CTNND2: variants seen among roughly 807,000 people sequenced by gnomAD.
CTNND2 encodes the protein catenin delta 2.
In CTNND2, 22 loss-of-function variants were observed where a neutral mutation model predicts 144.4. That is an observed-to-expected ratio of 0.15 (90% CI 0.11 to 0.22). The LOEUF is 0.22. Among genes scored for constraint, CTNND2 ranks in the 10% least tolerant of loss-of-function variants. The pLI is 1.00. For synonymous variants in CTNND2, 751 were observed against 695.6 expected (o/e 1.08, Z -1.25); for missense variants, 1,353 against 1,618.8 (o/e 0.84, Z 2.82).
At chr5:11,289,021 C>A (rs561920996) in intron 9 of CTNND2, among the ~76,000 whole-genome samples, 2 of 152,160 alleles carry the variant, frequency 1.3e-5, no homozygotes, top group South Asian at 4.2e-4. Flanking sequence ...TGGCCTTTAC[C>A]ACTGACATGA....
intron 3 of CTNND2, among the ~76,000 whole-genome samples, chr5:11,489,438 G>A (rs1194132968): frequency 6.6e-6 from 1 of 152,098 alleles, no homozygotes; most frequent in Non-Finnish European, 1.5e-5. Flanking sequence ...ATAAAAATAT[G>A]GCTGGATTCC....
intron 18 of CTNND2, among the ~76,000 whole-genome samples, chr5:11,000,828 C>T (rs548837671): frequency 2.9e-4 from 44 of 152,246 alleles, no homozygotes; most frequent in African/African-American, 1.0e-3. Flanking sequence ...TGGGCCCCAG[C>T]CCTGAGGTTC....
intron 1 of CTNND2, among the ~76,000 whole-genome samples, chr5:11,836,764 G>A (rs1403321461): frequency 2.0e-5 from 3 of 152,066 alleles, no homozygotes; most frequent in Non-Finnish European, 2.9e-5. Context: ...TAGCTTTACC[G>A]AAGGTAGGTA....
intron 9 of CTNND2, among the ~76,000 whole-genome samples, chr5:11,331,485 A>C (rs1176798403): frequency 6.6e-6 from 1 of 152,182 alleles, no homozygotes; most frequent in African/African-American, 2.4e-5. Context: ...ATTTTTAATA[A>C]AATTTTGGCA....
chr5:11,863,871 C>G (rs577134885), intron 1 of CTNND2, among the ~76,000 whole-genome samples: 10 of 152,288 alleles, frequency 6.6e-5, no homozygotes, highest in Non-Finnish European at 4.4e-5. Context: ...CTTCAACGTT[C>G]TCTACAAAAT....
At chr5:11,885,997 C>G (rs539352325) in intron 1 of CTNND2, among the ~76,000 whole-genome samples, 2 of 151,946 alleles carry the variant, frequency 1.3e-5, no homozygotes, top group East Asian at 3.9e-4. Context: ...AAACACAACA[C>G]AACATACCAA....
intron 9 of CTNND2, among the ~76,000 whole-genome samples, chr5:11,278,488 C>G (rs571366862): frequency 6.6e-6 from 1 of 152,176 alleles, no homozygotes; most frequent in East Asian, 1.9e-4. Context: ...GCTCCAGGTG[C>G]TAGAGGGGAC....
intron 2 of CTNND2, among the ~76,000 whole-genome samples, chr5:11,593,539 T>C (rs1779360830): frequency 6.6e-6 from 1 of 152,184 alleles, no homozygotes; most frequent in South Asian, 2.1e-4. Flanking sequence ...GGGAGGGACC[T>C]GGTGGGAGGT....
intron 14 of CTNND2, among the ~76,000 whole-genome samples, chr5:11,100,821 G>C (rs2093251736): frequency 6.6e-6 from 1 of 152,178 alleles, no homozygotes; most frequent in African/African-American, 2.4e-5. Context: ...GTACAGAGAA[G>C]TAATATTTGC....
chr5:11,691,504 T>C (rs1784908498), intron 2 of CTNND2, among the ~76,000 whole-genome samples: 1 of 152,040 alleles, frequency 6.6e-6, no homozygotes, highest in Admixed American at 6.5e-5. Flanking sequence ...AATATACAAG[T>C]ACTCAACCAA....
At chr5:11,042,243 G>A (rs1481307905) in intron 16 of CTNND2, among the ~76,000 whole-genome samples, 2 of 152,176 alleles carry the variant, frequency 1.3e-5, no homozygotes, top group Non-Finnish European at 2.9e-5. Context: ...TAATGTTGAT[G>A]AAAACTAGAA....
intron 11 of CTNND2, among the ~76,000 whole-genome samples, chr5:11,187,394 T>C (rs909912065): frequency 1.3e-5 from 2 of 152,152 alleles, no homozygotes; most frequent in Non-Finnish European, 2.9e-5. Context: ...GAGAACTGGC[T>C]AGACATATGC....
chr5:11,690,773 A>G (rs948002177), intron 2 of CTNND2, among the ~76,000 whole-genome samples: 3 of 143,442 alleles, frequency 2.1e-5, no homozygotes, highest in African/African-American at 8.2e-5. Context: ...AAAAAAAAAA[A>G]AGAAATCTAT....
chr5:11,436,537 C>T (rs1763791489), intron 3 of CTNND2, among the ~76,000 whole-genome samples: 1 of 152,110 alleles, frequency 6.6e-6, no homozygotes, highest in Admixed American at 6.5e-5. Context: ...CTACTTTTTT[C>T]TTTATCGAGA....
At chr5:11,723,263 G>A (rs1479495094) in intron 2 of CTNND2, among the ~76,000 whole-genome samples, 2 of 151,840 alleles carry the variant, frequency 1.3e-5, no homozygotes, top group Admixed American at 6.6e-5. Flanking sequence ...CAAAAAAAAA[G>A]ACAAAGACAC....
chr5:11,039,068 C>T (rs1422402725), intron 16 of CTNND2, among the ~76,000 whole-genome samples: 3 of 152,128 alleles, frequency 2.0e-5, no homozygotes, highest in Non-Finnish European at 4.4e-5. Flanking sequence ...GGGAAACAAT[C>T]CCAAAGCAAG....
intron 1 of CTNND2, among the ~76,000 whole-genome samples, chr5:11,764,178 G>A (rs1418558428): frequency 6.6e-6 from 1 of 152,012 alleles, no homozygotes; most frequent in Non-Finnish European, 1.5e-5. Flanking sequence ...AAGATGGAAG[G>A]GTCCACGAGC....
intron 3 of CTNND2, among the ~76,000 whole-genome samples, chr5:11,464,861 T>C (rs1345859746): frequency 6.6e-6 from 1 of 152,194 alleles, no homozygotes; most frequent in Non-Finnish European, 1.5e-5. Flanking sequence ...GAATATACCA[T>C]GATGGATTTG....
intron 3 of CTNND2, among the ~76,000 whole-genome samples, chr5:11,431,258 A>C (rs25944): frequency 0.098 from 14,883 of 152,158 alleles, 2,306 homozygotes; most frequent in African/African-American, 0.33. Flanking sequence ...CAGCTAAAAC[A>C]CCATTAAGTC....
Sources: allele counts gnomAD v4.1 joint callset (sites outside exome capture counted in the v4.1 genomes callset), GRCh38; gene constraint gnomAD v4.1.1; transcripts MANE v1.5; gene names NCBI Gene and HGNC (gene_info 2026-07-23, HGNC 2026-07-21).